SASH1: variants seen among roughly 807,000 people sequenced by gnomAD.
SASH1 encodes SAM and SH3 domain-containing protein 1.
SASH1 carries 44 observed loss-of-function variants against 125.2 expected under a neutral mutation model. The observed-to-expected ratio is 0.35, with a 90% confidence interval of 0.28 to 0.45. The LOEUF (loss-of-function observed/expected upper bound fraction) is 0.45. SASH1 is among the 20% of genes least tolerant of loss of function. The pLI is 1.00. For synonymous variants in SASH1, 639 were observed against 649.1 expected (o/e 0.98, Z 0.24); for missense variants, 1,426 against 1,614.5 (o/e 0.88, Z 2.00).
chr6:148,493,941 C>G (rs146024401), intron 8 of SASH1, among the ~76,000 whole-genome samples: 1 of 151,864 alleles, frequency 6.6e-6, no homozygotes, highest in Admixed American at 6.6e-5. Flanking sequence ...TTATTTTTTC[C>G]TTTGCCTCCT....
At chr6:148,204,796 C>T in the SASH1 span, among the ~76,000 whole-genome samples, 1 of 152,160 alleles carries the variant, frequency 6.6e-6, no homozygotes, top group East Asian at 1.9e-4. Context: ...TAACCGAATG[C>T]CCCAAAACTT....
intron 1 of SASH1, among the ~76,000 whole-genome samples, chr6:148,362,077 C>T (rs1782246049): frequency 6.6e-6 from 1 of 151,114 alleles, no homozygotes; most frequent in African/African-American, 2.4e-5. Flanking sequence ...CCACGCCCAG[C>T]TATTTTTTGT....
intron 4 of SASH1, among the ~76,000 whole-genome samples, chr6:148,467,560 C>T (rs1777905549): frequency 1.3e-5 from 2 of 152,178 alleles, no homozygotes; most frequent in Non-Finnish European, 1.5e-5. Context: ...GATGCCCAGA[C>T]ATGTATTGAT....
chr6:148,298,257 C>T (rs760982321), intron 1 of SASH1, among the ~76,000 whole-genome samples: 9 of 152,076 alleles, frequency 5.9e-5, no homozygotes, highest in East Asian at 1.9e-4. Flanking sequence ...GGGTGATCTG[C>T]CCACCACGGC....
chr6:148,538,807 A>AAGTT (rs918859315), intron 16 of SASH1, among the ~76,000 whole-genome samples: 1 of 152,100 alleles, frequency 6.6e-6, no homozygotes, highest in East Asian at 1.9e-4. Context: ...TGGAGTGGGG[A>AAGTT]AGTTGGTGGG....
At chr6:148,249,385 G>A in the SASH1 span, among the ~76,000 whole-genome samples, 1 of 152,070 alleles carries the variant, frequency 6.6e-6, no homozygotes, top group Non-Finnish European at 1.5e-5. Context: ...GCTGATAGGG[G>A]AGACTTGGAG....
At chr6:148,381,228 T>C (rs1317884476) in intron 1 of SASH1, among the ~76,000 whole-genome samples, 1 of 152,194 alleles carries the variant, frequency 6.6e-6, no homozygotes, top group Non-Finnish European at 1.5e-5. Context: ...GACTAAACTT[T>C]TCAGATTTCT....
At chr6:148,368,760 G>T (rs1456010664) in intron 1 of SASH1, among the ~76,000 whole-genome samples, 1 of 14,930 alleles carries the variant, frequency 6.7e-5, no homozygotes, top group Admixed American at 1.1e-3. Flanking sequence ...ACATGCGCGC[G>T]CACGCGCGCG....
intron 1 of SASH1, among the ~76,000 whole-genome samples, chr6:148,323,254 C>T (rs1392843773): frequency 6.6e-6 from 1 of 152,146 alleles, no homozygotes; most frequent in Non-Finnish European, 1.5e-5. Context: ...AAGTGATCTG[C>T]CCGCCTCGGC....
In SASH1 at chr6:148,532,825, C is replaced by A; in HGVS notation, c.1593C>A (p.Ser531=). 6.2e-7 allele frequency: 1 copy of A among 1,614,218 alleles called. No individual in the cohort carries two copies. The highest frequency in any genetic ancestry group is 8.5e-7 in the Non-Finnish European group (1 of 1,180,048). The change falls in exon 14 of 20, where the codon TCC becomes TCA. Residue 531 remains serine (S), a synonymous_variant. Transcript: ENST00000367467. The surrounding 1 kb of genome is among the most constrained non-coding windows in gnomAD (Gnocchi z 4.7). ...MSGQTVSTTD[S]STSNRESVKS... ...GTCAAACAGTGAGCACCACTGATTC[C>A]TCAACCAGCAACCGGGAAAGCGTCA...
chr6:148,407,629 T>C (rs936233049), intron 2 of SASH1, among the ~76,000 whole-genome samples: 4 of 152,170 alleles, frequency 2.6e-5, no homozygotes, highest in Non-Finnish European at 4.4e-5. Flanking sequence ...AGTTCTACTT[T>C]TAATTTTTTT....
At chr6:148,238,812 C>T in the SASH1 span, among the ~76,000 whole-genome samples, 1 of 152,120 alleles carries the variant, frequency 6.6e-6, no homozygotes, top group Non-Finnish European at 1.5e-5. Flanking sequence ...CATCTAGGCA[C>T]GTTCCTCTGC....
intron 4 of SASH1, among the ~76,000 whole-genome samples, chr6:148,468,289 A>G (rs1180785549): frequency 1.3e-5 from 2 of 152,254 alleles, no homozygotes; most frequent in African/African-American, 4.8e-5. Flanking sequence ...GTGATCGTCT[A>G]GTGAAGTCTG....
At chr6:148,302,684 G>T in intron 1 of SASH1, among the ~76,000 whole-genome samples, 1 of 142,988 alleles carries the variant, frequency 7.0e-6, no homozygotes, top group African/African-American at 2.6e-5. Context: ...CACACACGGA[G>T]AAATATATAT....
At chr6:148,202,105 G>A in the SASH1 span, among the ~76,000 whole-genome samples, 1 of 151,958 alleles carries the variant, frequency 6.6e-6, no homozygotes, top group East Asian at 1.9e-4. Flanking sequence ...GGGTGGTCAA[G>A]CAATAGGCAA....
At chr6:148,195,921 C>T in the SASH1 span, among the ~76,000 whole-genome samples, 2 of 152,210 alleles carry the variant, frequency 1.3e-5, no homozygotes, top group Non-Finnish European at 2.9e-5. Flanking sequence ...ATGCACCCAA[C>T]CTCTCCTGTG....
chr6:148,352,661 C>G lies in SASH1; in HGVS notation c.156+9438C>G, dbSNP rs7748789. On this transcript the variant is annotated intron_variant, in intron 1 of 19. Coordinates refer to ENST00000367467, the MANE Select transcript of SASH1 (RefSeq NM_015278.5). The stretch of plus-strand genomic sequence containing the variant: ...AATAAATAGAACTGTGCATGACATA[C>G]GATGAGCAGTTCATAAATGTGAGTT... Among the ~76,000 whole-genome samples, 898 of 151,696 alleles carry G rather than the reference C, an allele frequency of 5.9e-3. 13 individuals carry two copies. Among genetic ancestry groups the G allele is most frequent in the African/African-American group, 0.02 (835 of 41,378 alleles).
At chr6:148,339,605 G>A (rs1781265449), upstream of SASH1, among the ~76,000 whole-genome samples, 1 of 151,838 alleles carries the variant, frequency 6.6e-6, no homozygotes, top group African/African-American at 2.4e-5. Flanking sequence ...CGTCCAGGCT[G>A]AGTGCAGTGG....
In SASH1 at chr6:148,549,129, T is replaced by C. The variant is rs1782748041; in HGVS notation, c.*571T>C. On this transcript the variant is annotated 3_prime_UTR_variant, in exon 20 of 20. Transcript: ENST00000367467. Reference sequence around the variant, plus strand: ...ACAAGAGACATTTTCATAATTGCTTTCTAGCAATCAGCTTTTATTTGCCTT... The same window carrying C: ...ACAAGAGACATTTTCATAATTGCTTCCTAGCAATCAGCTTTTATTTGCCTT... The C allele has an allele frequency of 6.4e-6, 1 of 156,884 alleles. No individual in the cohort carries two copies. Among genetic ancestry groups the C allele is most frequent in the Non-Finnish European group, 1.4e-5 (1 of 71,134 alleles). The allele number at this position is 156,884 out of a possible 1,614,324, so 9.7% of individuals were successfully genotyped here.
Sources: allele counts gnomAD v4.1 joint callset (sites outside exome capture counted in the v4.1 genomes callset), GRCh38; gene constraint gnomAD v4.1.1; non-coding constraint Gnocchi (gnomAD v3.1); transcripts MANE v1.5; gene names NCBI Gene and HGNC (gene_info 2026-07-23, HGNC 2026-07-21).